ZNF420: variants seen among roughly 807,000 people sequenced by gnomAD.
The protein encoded by ZNF420 is zinc finger protein 420.
Under a neutral mutation model 44.7 loss-of-function variants are expected in ZNF420, and 31 were observed. That is an observed-to-expected ratio of 0.69 (90% CI 0.52 to 0.94). The LOEUF (loss-of-function observed/expected upper bound fraction) is 0.94. ZNF420 is among the 40% of genes least tolerant of loss of function. ZNF420 has a pLI of 0.00. For synonymous variants in ZNF420, 245 were observed against 267.4 expected, an observed-to-expected ratio of 0.92 and a Z score of 0.82; for missense variants, 681 against 827.9, an observed-to-expected ratio of 0.82 and a Z score of 2.18.
Position 37,048,609 on chromosome 19 carries a change from C to T in ZNF420, c.-124-31736C>T, listed in dbSNP as rs117685608. Among the ~76,000 whole-genome samples, 939 of 152,320 alleles carry T rather than the reference C, an allele frequency of 6.2e-3. 28 individuals carry two copies. The highest frequency in any genetic ancestry group is 0.05 in the East Asian group (257 of 5,184). On this transcript the variant is annotated intron_variant, in intron 1 of 4. Transcript: ENST00000587029. ...GTGTGAAATTTTGCATGGCTACATG[C>T]TATCATCACCAGCATCACAAATGAC...
chr19:37,012,534 A>T (rs2074577854), intron 1 of ZNF420, among the ~76,000 whole-genome samples: 1 of 152,156 alleles, frequency 6.6e-6, no homozygotes, highest in South Asian at 2.1e-4. Context: ...AGGATGATGA[A>T]GCCACAGGCG....
At chr19:37,072,787 A>G (rs1199071951) in intron 1 of ZNF420, among the ~76,000 whole-genome samples, 2 of 152,240 alleles carry the variant, frequency 1.3e-5, no homozygotes, top group African/African-American at 4.8e-5. Context: ...AAAATACATC[A>G]TATTAACAAA....
intron 1 of ZNF420, among the ~76,000 whole-genome samples, chr19:37,063,192 C>G (rs1240991536): frequency 6.6e-6 from 1 of 152,082 alleles, no homozygotes; most frequent in Non-Finnish European, 1.5e-5. Flanking sequence ...AATTGTTGAC[C>G]TAATGCTACA....
In ZNF420 at chr19:37,127,109, A is replaced by T. The variant is rs773391054; in HGVS notation, c.137-19A>T. 7.0e-7 allele frequency: 1 copy of T among 1,434,884 alleles called. No homozygotes were observed. The highest frequency in any genetic ancestry group is 9.2e-7 in the Non-Finnish European group (1 of 1,090,560). 88.9% of individuals were successfully genotyped at this position (1,434,884 alleles called of 1,614,324 possible). A position where few individuals can be genotyped will look rare whatever the true frequency, so the allele number is the denominator to read the frequency against. On this transcript the variant is annotated intron_variant, in intron 4 of 4. Transcript: ENST00000337995. ...AGAAGTTATATTTCTCAATTTTTTT[A>T]TTCTCTCTTATCTTTCAGACTTGCC...
chr19:37,053,785 C>A (rs1286415025), intron 1 of ZNF420, among the ~76,000 whole-genome samples: 2 of 152,056 alleles, frequency 1.3e-5, no homozygotes, highest in African/African-American at 4.8e-5. Flanking sequence ...GGAGTGCCTC[C>A]CAGTTAGGCT....
At chr19:37,056,582 G>A (rs1226590922) in intron 1 of ZNF420, among the ~76,000 whole-genome samples, 1 of 152,156 alleles carries the variant, frequency 6.6e-6, no homozygotes, top group Non-Finnish European at 1.5e-5. Flanking sequence ...CAAGGGAGGA[G>A]GGAGGCAGAG....
In ZNF420 at chr19:37,087,299, AAATAAAT is replaced by A. The variant is rs1374698795; in HGVS notation, c.-80-1737_-80-1731del. ...CCCTGTCTCAAAAAAAAAAATAAATAAATAAATAAATAAATAAATAAATAAATAAATA... is the reference window on the plus strand; with the variant it reads ...CCCTGTCTCAAAAAAAAAAATAAATAAAATAAATAAATAAATAAATAAATA... On this transcript the variant is annotated intron_variant, in intron 2 of 4. Coordinates refer to ENST00000337995, the MANE Select transcript of ZNF420 (RefSeq NM_144689.5). Among the ~76,000 whole-genome samples the A allele has an allele frequency of 1.8e-3, 212 of 117,934 alleles. 1 individual carries two copies. Among genetic ancestry groups the A allele is most frequent in the Non-Finnish European group, 2.2e-3 (136 of 61,324 alleles). The allele number at this position is 117,934 out of a possible 152,430, so 77.4% of individuals were successfully genotyped here. A position where few individuals can be genotyped will look rare whatever the true frequency, so the allele number is the denominator to read the frequency against.
intron 1 of ZNF420, among the ~76,000 whole-genome samples, chr19:37,063,571 A>G (rs1357626199): frequency 1.9e-5 from 2 of 105,012 alleles, no homozygotes; most frequent in Non-Finnish European, 1.9e-5. Context: ...CCCCCACCCG[A>G]CGAAATGCCT....
chr19:37,037,366 A>G (rs1256693744), intron 1 of ZNF420, among the ~76,000 whole-genome samples: 2 of 152,212 alleles, frequency 1.3e-5, no homozygotes, highest in Non-Finnish European at 2.9e-5. Flanking sequence ...TGCTCAGTGC[A>G]ATGGCGCCTG....
intron 1 of ZNF420, among the ~76,000 whole-genome samples, chr19:37,067,014 C>G (rs552287709): frequency 3.9e-4 from 60 of 152,114 alleles, no homozygotes; most frequent in Non-Finnish European, 7.6e-4. Context: ...ATTTTTAAAA[C>G]ATTATACTGA....
chr19:37,051,228 G>C (rs986695098), intron 1 of ZNF420, among the ~76,000 whole-genome samples: 1 of 152,144 alleles, frequency 6.6e-6, no homozygotes, highest in Non-Finnish European at 1.5e-5. Context: ...GATGATGCTG[G>C]CCTCATAAAA....
chr19:37,041,905 T>G (rs1359942447), intron 1 of ZNF420, among the ~76,000 whole-genome samples: 1 of 152,246 alleles, frequency 6.6e-6, no homozygotes, highest in African/African-American at 2.4e-5. Context: ...TAAATTCAAC[T>G]GTCAATATAC....
chr19:37,087,576 G>T (rs919205142), intron 2 of ZNF420, among the ~76,000 whole-genome samples: 1 of 152,140 alleles, frequency 6.6e-6, no homozygotes, highest in Non-Finnish European at 1.5e-5. Context: ...CTCCCTAGAG[G>T]GTGTTTTGGA....
intron 1 of ZNF420, among the ~76,000 whole-genome samples, chr19:37,035,587 C>A (rs1490697431): frequency 1.3e-5 from 2 of 152,158 alleles, no homozygotes; most frequent in Non-Finnish European, 2.9e-5. Flanking sequence ...CATTGAACTT[C>A]ATATAATAGA....
chr19:37,112,281 G>T lies in ZNF420; in HGVS notation c.137-14847G>T, dbSNP rs193117286. Among the ~76,000 whole-genome samples, 332 of 151,860 alleles carry T rather than the reference G, an allele frequency of 2.2e-3. 1 individual carries two copies. Among genetic ancestry groups the T allele is most frequent in the Non-Finnish European group, 3.6e-3 (246 of 67,952 alleles). ...TATCCCATCTTAGTCGTGATTTTTT[G>T]ATTTGTGGGGCTATATAATGGGGCA... On this transcript the variant is annotated intron_variant, in intron 4 of 4. Coordinates refer to ENST00000337995, the MANE Select transcript of ZNF420 (RefSeq NM_144689.5).
At chr19:37,053,083 ACTTCT>A (rs1196263473) in intron 1 of ZNF420, among the ~76,000 whole-genome samples, 1 of 151,826 alleles carries the variant, frequency 6.6e-6, no homozygotes, top group Non-Finnish European at 1.5e-5. Flanking sequence ...TTTTCTTTAA[ACTTCT>A]CTTCTCACTT....
chr19:37,063,353 A>C (rs868345818), intron 1 of ZNF420, among the ~76,000 whole-genome samples: 20 of 152,262 alleles, frequency 1.3e-4, no homozygotes, highest in African/African-American at 3.8e-4. Context: ...AGTGAGCTTT[A>C]TCTCTCCCTT....
intron 1 of ZNF420, among the ~76,000 whole-genome samples, chr19:37,018,246 T>C (rs1347713145): frequency 6.6e-6 from 1 of 152,256 alleles, no homozygotes; most frequent in Non-Finnish European, 1.5e-5. Context: ...ACAGATTTCA[T>C]GTAATCCTTC....
chr19:37,107,818 C>T (rs1476622142), intron 4 of ZNF420: 1 of 149,274 alleles, frequency 6.7e-6, no homozygotes, highest in African/African-American at 2.5e-5. Context: ...TCCATGATTG[C>T]CTCAGTTCCT....
Sources: allele counts gnomAD v4.1 joint callset (sites outside exome capture counted in the v4.1 genomes callset), GRCh38; gene constraint gnomAD v4.1.1; transcripts MANE v1.5; gene names NCBI Gene and HGNC (gene_info 2026-07-23, HGNC 2026-07-21).